Variants in IRAG2 observed in about 807,000 individuals in gnomAD.
The protein encoded by IRAG2 is lymphoid restricted membrane protein.
IRAG2 carries 45 observed loss-of-function variants against 69.9 expected under a neutral mutation model. The observed-to-expected ratio is 0.64, with a 90% CI of 0.51 to 0.83. The LOEUF is 0.83. Among genes scored for constraint, IRAG2 ranks in the 40% least tolerant of loss-of-function variants. The pLI is 0.00. For missense variants in IRAG2, 520 were observed against 587.0 expected, an observed-to-expected ratio of 0.89 and a Z score of 1.18; for synonymous variants, 193 against 202.4, an observed-to-expected ratio of 0.95 and a Z score of 0.40.
intron 6 of IRAG2, among the ~76,000 whole-genome samples, chr12:25,072,153 G>A (rs749039868): frequency 7.2e-5 from 11 of 151,946 alleles, no homozygotes; most frequent in Non-Finnish European, 1.6e-4. Context: ...TGAGTGAGCC[G>A]AGATCGTGCC....
intron 7 of IRAG2, among the ~76,000 whole-genome samples, chr12:25,022,954 T>C (rs11608506): frequency 0.075 from 11,478 of 152,134 alleles, 576 homozygotes; most frequent in African/African-American, 0.15. Flanking sequence ...GGTGAAACCC[T>C]GTCTCTACTA....
Position 25,038,139 on chromosome 12 carries a change from T to A in IRAG2, c.2144+2T>A, listed in dbSNP as rs2139856435. On this transcript the variant is annotated splice_donor_variant, in intron 16 of 38. Coordinates refer to the IRAG2 transcript ENST00000636465. LOFTEE classifies it high-confidence loss of function. ...TTTCAGAAAAGAATTTCTTGCCAGG[T>A]GATGATCATTTATATATAAGAAATC... is the stretch of plus-strand genomic sequence containing the variant. 2.5e-6 allele frequency: 1 copy of A among 398,804 alleles called. No homozygotes were observed. Among genetic ancestry groups the A allele is most frequent in the East Asian group, 3.6e-5 (1 of 28,028 alleles). The allele number at this position is 398,804 out of a possible 1,614,324, so 24.7% of individuals were successfully genotyped here. A position where few individuals can be genotyped will look rare whatever the true frequency, so the allele number is the denominator to read the frequency against.
intron 6 of IRAG2, among the ~76,000 whole-genome samples, chr12:25,074,951 G>A (rs1946582190): frequency 6.6e-6 from 1 of 152,106 alleles, no homozygotes; most frequent in African/African-American, 2.4e-5. Flanking sequence ...GTTGTATGTG[G>A]GTGCAGCATT....
At chr12:25,008,160 C>T (rs185765747) in intron 2 of IRAG2, among the ~76,000 whole-genome samples, 2 of 152,154 alleles carry the variant, frequency 1.3e-5, no homozygotes, top group Admixed American at 6.5e-5. Flanking sequence ...TGGTAATATT[C>T]TATCATTCCT....
chr12:25,088,118 G>C lies in IRAG2; in HGVS notation c.334G>C (p.Glu112Gln). ...ILNLEAKEEP[E>Q]TIEEHKKEHA... is the part of the protein sequence containing the mutation. ...ATTTTAGGAAGCCAAAGAGGAACCA[G>C]AAACAATAGAAGAACATAAAAAAGA... The change falls in exon 11 of 22, where the codon GAA (glutamate) becomes CAA (glutamine). Residue 112 changes from glutamate to glutamine, a missense_variant. Glu to Gln is a conservative substitution (Grantham distance 29, BLOSUM62 2). Coordinates refer to ENST00000556887, the MANE Select transcript of IRAG2 (RefSeq NM_001366544.2). The C allele has an allele frequency of 1.2e-6, 2 of 1,613,180 alleles. No homozygotes were observed. Among genetic ancestry groups the C allele is most frequent in the Non-Finnish European group, 1.7e-6 (2 of 1,179,182 alleles).
In IRAG2 at chr12:25,023,404, AT is replaced by A. The variant is rs61436979; in HGVS notation, c.1333-457del. ...AAATAGCCTGTCCTGAAATATATTG[AT>A]TTTTTTTTTCTGATGGTTCTGAATT... On this transcript the variant is annotated intron_variant, in intron 7 of 38. Transcript: ENST00000636465. Among the ~76,000 whole-genome samples, 390 of 150,788 alleles carry A rather than the reference AT, an allele frequency of 2.6e-3. 15 individuals are homozygous for A. The East Asian group carries it at 0.06, about 23-fold the overall frequency.
Position 25,090,153 on chromosome 12 carries a change from GA to G in IRAG2, c.566del (p.Asn189IlefsTer2). 6.2e-7 allele frequency: 1 copy of G among 1,613,952 alleles called. No homozygotes were observed. Among genetic ancestry groups the G allele is most frequent in the Non-Finnish European group, 8.5e-7 (1 of 1,179,862 alleles). ...AGAGAGGTCCCGTGACTTGGCAGAAGAAAATTTGAAGAAAGAAATCACTAAC... is the reference window on the plus strand; with the variant it reads ...AGAGAGGTCCCGTGACTTGGCAGAAGAAATTTGAAGAAAGAAATCACTAAC... Reference protein sequence around the residue: ...LEERSRDLAEENLKKEITNCL... With the variant: ...LEERSRDLAEXNLKKEITNCL... On this transcript the variant is annotated frameshift_variant, in exon 14 of 22. Transcript: ENST00000556887. LOFTEE classifies it high-confidence loss of function.
intron 1 of IRAG2, among the ~76,000 whole-genome samples, chr12:25,054,223 T>A (rs933981329): frequency 6.6e-6 from 1 of 152,188 alleles, no homozygotes. Flanking sequence ...AATTACACAG[T>A]CTGTGTGTTA....
chr12:25,015,155 GTTTTTTT>G, intron 3 of IRAG2: 9 of 895,896 alleles, frequency 1.0e-5, no homozygotes, highest in Non-Finnish European at 9.5e-6. Flanking sequence ...CACTGGTTTT[GTTTTTTT>G]TTTTTTTTTT....
Position 25,083,468 on chromosome 12 carries a change from G to A in IRAG2, c.290G>A (p.Ser97Asn), listed in dbSNP as rs774170688. The A allele has an allele frequency of 9.3e-6, 15 of 1,610,572 alleles. No homozygotes were observed. Among genetic ancestry groups the A allele is most frequent in the Middle Eastern group, 1.6e-4 (1 of 6,078 alleles). The part of the protein sequence containing the change: ...HDNIAFQDST[S>N]KDKTILNLEA... ...AATATTGCATTCCAAGACTCTACGA[G>A]TAAGGATAAAACCATATTAAATCTG... Residue 97 changes from serine (S) to asparagine (N), a missense_variant, in exon 10 of 22, where the codon AGT becomes AAT. By Grantham distance (46) the Ser-to-Asn change is conservative (BLOSUM62 1). Transcript: ENST00000556887.
At chr12:25,011,649 T>C (rs2139821037) in intron 3 of IRAG2, 1 of 800,128 alleles carries the variant, frequency 1.2e-6, no homozygotes. Flanking sequence ...GAAATACTAT[T>C]GTCCAGTGCT....
At chr12:25,016,455 C>G (rs1054206685) in intron 5 of IRAG2, among the ~76,000 whole-genome samples, 1 of 152,030 alleles carries the variant, frequency 6.6e-6, no homozygotes, top group African/African-American at 2.4e-5. Flanking sequence ...GTAAACCTGC[C>G]GAGATCCCTT....
chr12:25,096,593 A>G (rs1948433084), intron 14 of IRAG2, among the ~76,000 whole-genome samples: 1 of 152,200 alleles, frequency 6.6e-6, no homozygotes, highest in African/African-American at 2.4e-5. Context: ...TGTAAGCATA[A>G]TCTCTTTACC....
intron 7 of IRAG2, among the ~76,000 whole-genome samples, chr12:25,022,533 T>C (rs1167411478): frequency 2.0e-5 from 3 of 152,198 alleles, no homozygotes; most frequent in African/African-American, 4.8e-5. Flanking sequence ...GAGTCCTAGA[T>C]ACGGAATCCT....
chr12:25,012,354 C>T (rs1303302346), intron 3 of IRAG2, among the ~76,000 whole-genome samples: 5 of 151,330 alleles, frequency 3.3e-5, no homozygotes, highest in Non-Finnish European at 7.4e-5. Context: ...GGGGTTTCAC[C>T]ATGTTGTCCA....
chr12:25,021,397 A>G (rs1944579640), intron 7 of IRAG2, among the ~76,000 whole-genome samples: 1 of 152,244 alleles, frequency 6.6e-6, no homozygotes, highest in East Asian at 1.9e-4. Context: ...ATCTGATACT[A>G]AAAACCACTT....
chr12:25,065,055 A>T (rs1304542576), intron 4 of IRAG2, among the ~76,000 whole-genome samples: 1 of 151,418 alleles, frequency 6.6e-6, no homozygotes, highest in African/African-American at 2.4e-5. Flanking sequence ...GTACCATCAC[A>T]TTCCAGCCTG....
intron 9 of IRAG2, 134 bp from the exon 10 acceptor site, chr12:25,083,289 T>A: frequency 1.4e-6 from 1 of 725,160 alleles, no homozygotes; most frequent in Non-Finnish European, 2.5e-6. Context: ...ACATTTTTTG[T>A]AGTTCATAAT....
intron 10 of IRAG2, chr12:25,031,011 C>T (rs752749360): frequency 1.3e-4 from 124 of 983,926 alleles, no homozygotes; most frequent in Non-Finnish European, 1.4e-4. Context: ...CCAAGGATAC[C>T]GGCTACAAAG....
Sources: gnomAD v4.1 joint callset for allele counts (sites outside exome capture counted in the v4.1 genomes callset) on GRCh38, gnomAD v4.1.1 for gene constraint, MANE v1.5 for transcripts, NCBI Gene and HGNC (gene_info 2026-07-23, HGNC 2026-07-21) for gene names.